MYOM3: variants seen among roughly 807,000 people sequenced by gnomAD.
The protein encoded by MYOM3 is myomesin 3, also known as myomesin-3.
In MYOM3, 155 loss-of-function variants were observed where a neutral mutation model predicts 191.7. The ratio of observed to expected loss-of-function variants is 0.81; its 90% CI spans 0.71 to 0.92. MYOM3 has a LOEUF of 0.92. Among genes scored for constraint, MYOM3 ranks in the 40% least tolerant of loss-of-function variants. MYOM3 has a pLI of 0.00. For synonymous variants in MYOM3, 757 were observed against 762.9 expected, an observed-to-expected ratio of 0.99 and a Z score of 0.13; for missense variants, 1,889 against 1,890.6, an observed-to-expected ratio of 1.00 and a Z score of 0.02.
rs895112213 is a variant in MYOM3, at chr1:24,059,035, A to G, written c.3995-56T>C. On this transcript the variant is annotated intron_variant, in intron 35 of 36. Coordinates refer to ENST00000374434, the MANE Select transcript of MYOM3 (RefSeq NM_152372.4). ...AATCCTTTTCTGCCAGCCGCTTCCCAGAAGTTTCATAGAGTTGAGGTTTAT... is the reference window on the plus strand; with the variant it reads ...AATCCTTTTCTGCCAGCCGCTTCCCGGAAGTTTCATAGAGTTGAGGTTTAT... The G allele has an allele frequency of 3.8e-6, 5 of 1,326,476 alleles. No homozygotes were observed. The Admixed American group carries it at 5.5e-5, about 15-fold the overall frequency. 82.2% of individuals were successfully genotyped at this position (1,326,476 alleles called of 1,614,324 possible). A position where few individuals can be genotyped will look rare whatever the true frequency, so the allele number is the denominator to read the frequency against.
chr1:24,075,284 C>T (rs1303071136), intron 22 of MYOM3, 35 bp downstream of exon 22: 8 of 1,608,208 alleles, frequency 5.0e-6, no homozygotes, highest in Admixed American at 1.7e-5. Context: ...ATTTGGGTCC[C>T]GTTGAGCAGT....
chr1:24,103,541 G>A (rs1643957733), intron 5 of MYOM3, among the ~76,000 whole-genome samples: 1 of 152,176 alleles, frequency 6.6e-6, no homozygotes, highest in African/African-American at 2.4e-5. Context: ...TTGTATGTAA[G>A]AAAACCCAAT....
At position 24,094,977 on chromosome 1, in the gene MYOM3, G is replaced by A; in HGVS notation, c.804C>T (p.Gly268=). ...DSEIFKRSTF[G]PSVEFTSVLK... is the part of the protein sequence containing the mutation. Reference sequence around the variant, plus strand: ...GCACCGAGGTGAATTCCACGCTGGGGCCAAACGTCGATCCTGGCGTGGGAA... The same window carrying A: ...GCACCGAGGTGAATTCCACGCTGGGACCAAACGTCGATCCTGGCGTGGGAA... The change falls in exon 9 of 37, where the codon GGC becomes GGT. Residue 268 remains glycine (G), a synonymous_variant. Coordinates refer to ENST00000374434, the MANE Select transcript of MYOM3 (RefSeq NM_152372.4). 1 of 1,613,212 alleles carries A rather than the reference G, an allele frequency of 6.2e-7. No homozygotes were observed. Among genetic ancestry groups the A allele is most frequent in the Non-Finnish European group, 8.5e-7 (1 of 1,179,678 alleles).
In MYOM3 at chr1:24,081,983, G is replaced by T. The variant is rs763078606; in HGVS notation, c.2280+18C>A. ...TAAACAAGTCATGACACAGGCTGGG[G>T]CCACCTTCCAGCCCTACCTTGCAGA... On this transcript the variant is annotated intron_variant, in intron 18 of 36. Transcript: ENST00000374434. 3.1e-6 allele frequency: 5 copies of T among 1,597,948 alleles called. No homozygotes were observed. The Admixed American group carries it at 8.4e-5, about 27-fold the overall frequency.
chr1:24,082,064 A>G lies in MYOM3; in HGVS notation c.2217T>C (p.His739=). Residue 739 remains histidine, a synonymous_variant, in exon 18 of 37, where the codon CAT becomes CAC. Transcript: ENST00000374434. The part of the protein sequence containing the change: ...GKILGYFLDQ[H]DSEELDWHAV... ...CATGCCAGTCCAGCTCTTCCGAGTCATGCTGGTCCAGGAAGTAGCCCAGGA... is the reference window on the plus strand; with the variant it reads ...CATGCCAGTCCAGCTCTTCCGAGTCGTGCTGGTCCAGGAAGTAGCCCAGGA... 2 of 1,612,732 alleles carry G rather than the reference A, an allele frequency of 1.2e-6. No homozygotes were observed. Among genetic ancestry groups the G allele is most frequent in the Non-Finnish European group, 1.7e-6 (2 of 1,179,916 alleles).
intron 26 of MYOM3, 80 bp from the exon 27 acceptor site, chr1:24,068,109 G>A (rs571283816): frequency 6.3e-6 from 10 of 1,579,886 alleles, no homozygotes; most frequent in African/African-American, 5.4e-5. Flanking sequence ...GACAGAAGTC[G>A]AGGGGGCTGT....
chr1:24,097,861 C>T (rs1214293338), intron 7 of MYOM3, 62 bp downstream of exon 7: 1 of 1,108,858 alleles, frequency 9.0e-7, no homozygotes, highest in Non-Finnish European at 1.4e-6. Flanking sequence ...GACCCATGTC[C>T]TTGTCTGCCC....
chr1:24,062,481 G>C (rs1024182967), intron 32 of MYOM3, among the ~76,000 whole-genome samples: 2 of 152,152 alleles, frequency 1.3e-5, no homozygotes, highest in Non-Finnish European at 2.9e-5. Context: ...GACCAAATTA[G>C]TCAAGCCTTC....
At chr1:24,079,960 C>T (rs1038130258) in intron 20 of MYOM3, 56 bp downstream of exon 20, 412 of 1,470,348 alleles carry the variant, frequency 2.8e-4, no homozygotes, top group Middle Eastern at 1.1e-3. Flanking sequence ...AGCTCTGATG[C>T]TCTAGTGGCA....
At position 24,084,636 on chromosome 1, in the gene MYOM3, G is replaced by A; in HGVS notation, c.1802C>T (p.Thr601Ile). 6.2e-7 allele frequency: 1 copy of A among 1,607,440 alleles called. No homozygotes were observed. Among genetic ancestry groups the A allele is most frequent in the Non-Finnish European group, 8.5e-7 (1 of 1,176,438 alleles). ...TTGAACTTGAGCTGGAGGAGGGAGG[G>A]TAGCTAAAAAATAGAAACATGGGCT... ...EPIALRGPPATLPPPAQVQAF... is the reference protein window; with the variant it reads ...EPIALRGPPAILPPPAQVQAF... The change falls in exon 16 of 37, where the codon ACC (threonine) becomes ATC (isoleucine). Residue 601 changes from threonine to isoleucine, a missense_variant. Transcript: ENST00000374434.
At chr1:24,065,140 G>T (rs1304455358) in intron 29 of MYOM3, among the ~76,000 whole-genome samples, 1 of 152,176 alleles carries the variant, frequency 6.6e-6, no homozygotes. Flanking sequence ...AGCACCTACT[G>T]GTGCCACAGC....
chr1:24,097,455 C>G (rs568591196), intron 7 of MYOM3, among the ~76,000 whole-genome samples: 1 of 152,346 alleles, frequency 6.6e-6, no homozygotes, highest in East Asian at 1.9e-4. Flanking sequence ...CTGCACCTGC[C>G]TGCAGAAAAG....
chr1:24,072,072 G>A (rs935530471), intron 23 of MYOM3, 59 bp from the exon 24 acceptor site: 1 of 1,563,620 alleles, frequency 6.4e-7, no homozygotes, highest in Non-Finnish European at 8.8e-7. Context: ...GGTCGGGGGT[G>A]GGGGGCCCAC....
chr1:24,090,378 C>T (rs1016707228), intron 12 of MYOM3, among the ~76,000 whole-genome samples: 8 of 152,126 alleles, frequency 5.3e-5, no homozygotes, highest in Non-Finnish European at 1.0e-4. Flanking sequence ...AGGTGCCTGG[C>T]GCTGGGCACC....
At chr1:24,081,296 C>T (rs1643664750) in intron 19 of MYOM3, 34 bp downstream of exon 19, 18 of 1,610,646 alleles carry the variant, frequency 1.1e-5, no homozygotes, top group Non-Finnish European at 1.4e-5. Flanking sequence ...GAGGGAAGGG[C>T]AGGCACTGGA....
At position 24,067,965 on chromosome 1, in the gene MYOM3, C is replaced by T. The variant is rs1643474010; in HGVS notation, c.3355+5G>A. 2 of 1,614,114 alleles carry T rather than the reference C, an allele frequency of 1.2e-6. 1 individual carries two copies. The highest frequency in any genetic ancestry group is 1.7e-6 in the Non-Finnish European group (2 of 1,179,922). On this transcript the variant is annotated splice_donor_5th_base_variant and intron_variant, in intron 27 of 36. Transcript: ENST00000374434. ...GATTTTGAACTTCACCCCAGCAGCT[C>T]TTACCCTGTTTTCTCTTCCAGTCCC...
chr1:24,090,035 A>C, intron 13 of MYOM3, 30 bp downstream of exon 13: 1 of 1,606,040 alleles, frequency 6.2e-7, no homozygotes, highest in Non-Finnish European at 8.5e-7. Flanking sequence ...ACTATACAGG[A>C]GGCCCAGTGT....
At position 24,069,713 on chromosome 1, in the gene MYOM3, G is replaced by A. The variant is rs553506552; in HGVS notation, c.3151-1346C>T. On this transcript the variant is annotated intron_variant, in intron 25 of 36. Transcript: ENST00000374434. The stretch of plus-strand genomic sequence containing the variant: ...CAACCTCTGTCTCCCGGGTTCAAGC[G>A]ATTCTCGTGCCTCAGCCTCCTGAGT... Among the ~76,000 whole-genome samples, 21 of 151,528 alleles carry A rather than the reference G, an allele frequency of 1.4e-4. No individual in the cohort carries two copies. In the South Asian group the frequency reaches 4.2e-3, roughly 30 times the overall value.
intron 16 of MYOM3, chr1:24,083,397 C>T (rs1643697867): frequency 6.6e-6 from 1 of 152,460 alleles, no homozygotes; most frequent in African/African-American, 2.4e-5. Context: ...GCCAGGAGCT[C>T]TCAGGCCTTC....
Sources: gnomAD v4.1 joint callset for allele counts (sites outside exome capture counted in the v4.1 genomes callset) on GRCh38, gnomAD v4.1.1 for gene constraint, MANE v1.5 for transcripts, NCBI Gene and HGNC (gene_info 2026-07-23, HGNC 2026-07-21) for gene names.